The following GOLGA1 variants were observed in gnomAD, a reference collection of about 807,000 sequenced individuals.
GOLGA1 encodes the protein golgin A1.
GOLGA1 carries 63 observed loss-of-function variants against 119.7 expected under a neutral mutation model. The ratio of observed to expected loss-of-function variants is 0.53; its 90% CI spans 0.43 to 0.65. The LOEUF (loss-of-function observed/expected upper bound fraction) is 0.65, where lower values mean the gene tolerates loss of function less well. GOLGA1 is among the 30% of genes least tolerant of loss of function. The probability of loss-of-function intolerance (pLI) is 0.00; values close to 1 mark genes in which losing one functional copy is unlikely to be tolerated. For missense variants in GOLGA1, 798 were observed against 912.8 expected, an observed-to-expected ratio of 0.87 and a Z score of 1.62; for synonymous variants, 318 against 333.4, an observed-to-expected ratio of 0.95 and a Z score of 0.50.
Position 124,929,310 on chromosome 9 carries a change from G to T in GOLGA1, c.227-20C>A. On this transcript the variant is annotated intron_variant, in intron 4 of 22. Coordinates refer to ENST00000373555, the MANE Select transcript of GOLGA1 (RefSeq NM_002077.4). ...CATAGTCTTGGGTGAGGAGGGTGAC[G>T]CACATACCAGAAATGGACAAACATC... 1.4e-6 allele frequency: 2 copies of T among 1,474,444 alleles called. No individual in the cohort carries two copies. Among genetic ancestry groups the T allele is most frequent in the Non-Finnish European group, 9.5e-7 (1 of 1,053,102 alleles). The allele number at this position is 1,474,444 out of a possible 1,614,324, so 91.3% of individuals were successfully genotyped here. A position where few individuals can be genotyped will look rare whatever the true frequency, so the allele number is the denominator to read the frequency against.
chr9:124,902,067 G>C (rs1333241371), intron 12 of GOLGA1, among the ~76,000 whole-genome samples: 1 of 152,192 alleles, frequency 6.6e-6, no homozygotes, highest in African/African-American at 2.4e-5. Flanking sequence ...CTCTTAGAAA[G>C]CCTTCTTATT....
rs1396287493 is a variant in GOLGA1 at position 124,888,381 on chromosome 9, T to C, written c.1777A>G (p.Met593Val). 2 of 1,614,104 alleles carry C rather than the reference T, an allele frequency of 1.2e-6. No individual in the cohort carries two copies. The highest frequency in any genetic ancestry group is 1.3e-5 in the African/African-American group (1 of 75,050). Residue 593 changes from methionine (M) to valine (V), a missense_variant, in exon 19 of 23, where the codon ATG becomes GTG. Transcript: ENST00000373555. The surrounding 1 kb of genome is among the most constrained non-coding windows in gnomAD (Gnocchi z 4.4). ...VNESHVTSRA[M>V]QDPVFQLPTA... ...GGAAGCTGGAACACAGGGTCCTGCATGGCCCTCGAGGTCACCTACAAGGTG... is the reference window on the plus strand; with the variant it reads ...GGAAGCTGGAACACAGGGTCCTGCACGGCCCTCGAGGTCACCTACAAGGTG...
At chr9:124,936,466 A>C (rs1385434152) in intron 3 of GOLGA1, among the ~76,000 whole-genome samples, 1 of 152,090 alleles carries the variant, frequency 6.6e-6, no homozygotes, top group Non-Finnish European at 1.5e-5. Context: ...TTAGAGACAG[A>C]GTCTTGCTCT....
intron 4 of GOLGA1, among the ~76,000 whole-genome samples, chr9:124,930,297 C>T (rs538382082): frequency 1.2e-4 from 19 of 152,272 alleles, no homozygotes; most frequent in African/African-American, 4.6e-4. Context: ...ACCTCTGTTA[C>T]TGATATTATT....
At chr9:124,937,035 G>A (rs567366980) in intron 3 of GOLGA1, among the ~76,000 whole-genome samples, 2 of 152,190 alleles carry the variant, frequency 1.3e-5, no homozygotes, top group East Asian at 1.9e-4. Flanking sequence ...ACATATAAGT[G>A]GCTTAACAGA....
Position 124,881,057 on chromosome 9 carries a change from G to A in GOLGA1, c.2223+114C>T, listed in dbSNP as rs530497833. On this transcript the variant is annotated intron_variant, in intron 22 of 22. Coordinates refer to ENST00000373555, the MANE Select transcript of GOLGA1 (RefSeq NM_002077.4). The surrounding 1 kb of genome is among the most constrained non-coding windows in gnomAD (Gnocchi z 4.9). ...ATCCAAAAGCAGCCAAGCTGATCAT[G>A]CAGCTGTGCTGGTGCCTACACTCGG... 25 of 714,554 alleles carry A rather than the reference G, an allele frequency of 3.5e-5. No individual in the cohort carries two copies. In the African/African-American group the frequency reaches 3.5e-4, roughly 10 times the overall value. The allele number at this position is 714,554 out of a possible 1,614,324, so 44.3% of individuals were successfully genotyped here. A position where few individuals can be genotyped will look rare whatever the true frequency, so the allele number is the denominator to read the frequency against.
intron 10 of GOLGA1, among the ~76,000 whole-genome samples, chr9:124,914,350 A>T (rs966843465): frequency 6.6e-5 from 10 of 152,010 alleles, no homozygotes; most frequent in Non-Finnish European, 1.5e-4. Flanking sequence ...ACAAAAACAA[A>T]ATTAGCCGGA....
chr9:124,889,172 C>T lies in GOLGA1; in HGVS notation c.1732G>A (p.Ala578Thr), dbSNP rs375022769. ...DLLRLRGPLQ[A>T]EALSVNESHV... The stretch of plus-strand genomic sequence containing the variant: ...GACTCATTGACTGAGAGTGCTTCGG[C>T]CTGCAATGGGCCCCGCAGCCTCAGC... Residue 578 changes from alanine (A) to threonine (T), a missense_variant, in exon 18 of 23, where the codon GCC becomes ACC. By Grantham distance (58) the Ala-to-Thr change is moderately conservative. Transcript: ENST00000373555. 1.9e-6 allele frequency: 3 copies of T among 1,611,824 alleles called. No homozygotes were observed. The highest frequency in any genetic ancestry group is 2.5e-6 in the Non-Finnish European group (3 of 1,179,708).
intron 16 of GOLGA1, among the ~76,000 whole-genome samples, 159 bp downstream of exon 16, chr9:124,890,230 G>C (rs1470458002): frequency 6.6e-6 from 1 of 152,122 alleles, no homozygotes; most frequent in East Asian, 1.9e-4. Flanking sequence ...GCTTCCTAGA[G>C]AGCACAGGGG....
intron 10 of GOLGA1, among the ~76,000 whole-genome samples, chr9:124,912,604 G>A (rs1311566339): frequency 1.3e-5 from 2 of 152,102 alleles, no homozygotes; most frequent in South Asian, 2.1e-4. Context: ...GTACAGTGGC[G>A]CGATCTCGGC....
chr9:124,931,882 T>C (rs1830777649), intron 3 of GOLGA1, among the ~76,000 whole-genome samples: 3 of 152,190 alleles, frequency 2.0e-5, no homozygotes, highest in Non-Finnish European at 2.9e-5. Flanking sequence ...ACTTGCATCA[T>C]AGACTTCAGC....
rs536683356 is a variant in GOLGA1 at position 124,907,616 on chromosome 9, G to A, written c.1065+761C>T. Among the ~76,000 whole-genome samples the A allele has an allele frequency of 2.4e-4, 36 of 152,218 alleles. 3 individuals are homozygous for A. Among genetic ancestry groups the A allele is most frequent in the Admixed American group, 2.2e-3 (33 of 15,264 alleles). On this transcript the variant is annotated intron_variant, in intron 12 of 22. Coordinates refer to ENST00000373555, the MANE Select transcript of GOLGA1 (RefSeq NM_002077.4). ...CCTACAAACCAAATAAGAAAAGACT[G>A]AAACCCCCAAAGAAAATAAGGAAAG...
intron 19 of GOLGA1, among the ~76,000 whole-genome samples, chr9:124,883,631 A>T (rs1315602772): frequency 6.6e-6 from 1 of 152,044 alleles, no homozygotes; most frequent in Non-Finnish European, 1.5e-5. Flanking sequence ...TATTTTTAGT[A>T]GAGACAGGGT....
chr9:124,940,792 GCT>G (rs1310852420), intron 1 of GOLGA1, among the ~76,000 whole-genome samples, 177 bp downstream of exon 1: 1 of 152,218 alleles, frequency 6.6e-6, no homozygotes, highest in African/African-American at 2.4e-5. Flanking sequence ...GGAACCCTAG[GCT>G]CCAGACTCCC....
chr9:124,919,646 GACAAAATCTT>G (rs1394527307), intron 10 of GOLGA1, among the ~76,000 whole-genome samples: 1 of 152,122 alleles, frequency 6.6e-6, no homozygotes, highest in Non-Finnish European at 1.5e-5. Context: ...GACCTCTATT[GACAAAATCTT>G]ACTGTACTGT....
intron 1 of GOLGA1, among the ~76,000 whole-genome samples, 152 bp from the exon 2 acceptor site, chr9:124,940,307 A>AC (rs938108498): frequency 1.6e-4 from 25 of 152,294 alleles, no homozygotes; most frequent in African/African-American, 5.8e-4. Flanking sequence ...TCTCAATGGG[A>AC]TACCCTCCCT....
chr9:124,896,312 G>A (rs898986218), intron 15 of GOLGA1, among the ~76,000 whole-genome samples: 1 of 152,194 alleles, frequency 6.6e-6, no homozygotes, highest in Non-Finnish European at 1.5e-5. Context: ...TACTTGGGAG[G>A]TGGGGCATGA....
chr9:124,924,862 G>A (rs1379615363), intron 7 of GOLGA1, among the ~76,000 whole-genome samples: 2 of 150,948 alleles, frequency 1.3e-5, no homozygotes, highest in Admixed American at 6.6e-5. Flanking sequence ...GACAGATCAC[G>A]AGGTCAGGAG....
chr9:124,941,373 G>A (rs1831018519), upstream of GOLGA1, among the ~76,000 whole-genome samples: 1 of 152,236 alleles, frequency 6.6e-6, no homozygotes, highest in Non-Finnish European at 1.5e-5. Flanking sequence ...GGGGCTTCGT[G>A]TCAAAAGTAA....
Sources: gnomAD v4.1 joint callset for allele counts (sites outside exome capture counted in the v4.1 genomes callset) on GRCh38, gnomAD v4.1.1 for gene constraint, Gnocchi (gnomAD v3.1) non-coding constraint, MANE v1.5 for transcripts, NCBI Gene and HGNC (gene_info 2026-07-23, HGNC 2026-07-21) for gene names.